SHANK2: variants seen among roughly 807,000 people sequenced by gnomAD.
The protein encoded by SHANK2 is SH3 and multiple ankyrin repeat domains 2, also known as SH3 and multiple ankyrin repeat domains protein 2.
In SHANK2, 43 loss-of-function variants were observed where a neutral mutation model predicts 133.7. The observed-to-expected ratio is 0.32, with a 90% CI of 0.25 to 0.41. The LOEUF is 0.41. Among genes scored for constraint, SHANK2 ranks in the 10% least tolerant of loss-of-function variants. The probability of loss-of-function intolerance (pLI) is 1.00; values close to 1 mark genes in which losing one functional copy is unlikely to be tolerated. For synonymous variants in SHANK2, 1,017 were observed against 952.8 expected (o/e 1.07, Z -1.24); for missense variants, 1,994 against 2,235.8 (o/e 0.89, Z 2.18).
Position 70,487,126 on chromosome 11 carries a change from T to C in SHANK2, c.3167A>G (p.Asp1056Gly). ...GCTCGGTGGCTCCGGGGCCTGGGGG[T>C]CGATCTCCATGCTGCTGCCCTGGCT... The part of the protein sequence containing the change: ...KSSQGSSMEI[D>G]PQAPEPPSQL... The change falls in exon 25 of 26, where the codon GAC becomes GGC. Residue 1056 changes from aspartate to glycine, a missense_variant. Transcript: ENST00000601538. This position sits in a 1 kb window ranked among gnomAD's most constrained non-coding sequence, Gnocchi z 5.8. 6.2e-7 allele frequency: 1 copy of C among 1,610,040 alleles called. No homozygotes were observed.
intron 17 of SHANK2, among the ~76,000 whole-genome samples, chr11:70,659,206 G>A (rs929429941): frequency 1.6e-4 from 24 of 152,116 alleles, no homozygotes; most frequent in Non-Finnish European, 2.8e-4. Context: ...TTCTCTAAAG[G>A]AAGAGAATGC....
At chr11:70,900,993 C>T (rs1172153300) in intron 10 of SHANK2, among the ~76,000 whole-genome samples, 1 of 152,144 alleles carries the variant, frequency 6.6e-6, no homozygotes, top group Non-Finnish European at 1.5e-5. Context: ...AAAGAATACT[C>T]ACAGCAGAGA....
intron 14 of SHANK2, among the ~76,000 whole-genome samples, chr11:70,712,396 C>G (rs1186537150): frequency 6.6e-6 from 1 of 152,224 alleles, no homozygotes; most frequent in Non-Finnish European, 1.5e-5. Context: ...ACGTGAACAT[C>G]TCTGGGGGCC....
chr11:71,118,490 C>T (rs1231017795), intron 4 of SHANK2, among the ~76,000 whole-genome samples: 1 of 152,124 alleles, frequency 6.6e-6, no homozygotes, highest in Non-Finnish European at 1.5e-5. Context: ...GAGGAACTTC[C>T]AGACACTTAT....
chr11:70,490,171 G>A (rs782304163), intron 23 of SHANK2, 105 bp downstream of exon 23: 189 of 981,408 alleles, frequency 1.9e-4, no homozygotes, highest in Admixed American at 1.2e-3. Context: ...GGGGTGGGAC[G>A]CCAAGGCAAC....
At chr11:71,133,056 T>A (rs2135339341) in intron 3 of SHANK2, among the ~76,000 whole-genome samples, 1 of 146,374 alleles carries the variant, frequency 6.8e-6, no homozygotes, top group Non-Finnish European at 1.5e-5. Context: ...ACAAAGGACA[T>A]GGCGGGGCTA....
intron 4 of SHANK2, 104 bp from the exon 5 acceptor site, chr11:71,113,468 A>T (rs782320560): frequency 9.0e-6 from 9 of 999,890 alleles, no homozygotes; most frequent in Non-Finnish European, 1.4e-5. Context: ...GAAGACGGGG[A>T]ACCCCACAGC....
chr11:71,144,286 C>A (rs1399092720), intron 3 of SHANK2, among the ~76,000 whole-genome samples: 3 of 152,218 alleles, frequency 2.0e-5, no homozygotes, highest in Non-Finnish European at 4.4e-5. Context: ...TCTTCCTGGG[C>A]TCAGACCTCC....
At position 70,658,282 on chromosome 11, in the gene SHANK2, GACAC is replaced by G. The variant is rs138823201; in HGVS notation, c.2061+1542_2061+1545del. On this transcript the variant is annotated intron_variant, in intron 17 of 25. Coordinates refer to ENST00000601538, the MANE Select transcript of SHANK2 (RefSeq NM_012309.5). ...ACACACAGACACACACACACACACA[GACAC>G]ACACACACACACACACACACAGACA... is the stretch of plus-strand genomic sequence containing the variant. Among the ~76,000 whole-genome samples, 328 of 111,594 alleles carry G rather than the reference GACAC, an allele frequency of 2.9e-3. 4 individuals are homozygous for G. Among genetic ancestry groups the G allele is most frequent in the East Asian group, 7.9e-3 (28 of 3,528 alleles). The allele number at this position is 111,594 out of a possible 152,430, so 73.2% of individuals were successfully genotyped here.
chr11:71,214,791 C>T (rs950923522), intron 2 of SHANK2, among the ~76,000 whole-genome samples: 5 of 152,268 alleles, frequency 3.3e-5, no homozygotes, highest in African/African-American at 4.8e-5. Context: ...GCTGTCCTCT[C>T]GTGCAATTGC....
At position 71,092,422 on chromosome 11, in the gene SHANK2, C is replaced by G; in HGVS notation, c.912G>C (p.Gln304His). Reference sequence around the variant, plus strand: ...AGAGTGGAGAAGCGGGCCCACGTACCTGGTGGATCTCGTGCCAGCCGTTCT... The same window carrying G: ...AGAGTGGAGAAGCGGGCCCACGTACGTGGTGGATCTCGTGCCAGCCGTTCT... ...KDENGWHEIH[Q>H]ACRYGHVQHL... Residue 304 changes from glutamine to histidine, a missense_variant and splice_region_variant, in exon 8 of 26, where the codon CAG (glutamine) becomes CAC (histidine). This residue lies in a region of SHANK2 where 653 missense variants were observed against 563.4 expected (regional missense o/e 1.16). Coordinates refer to ENST00000601538, the MANE Select transcript of SHANK2 (RefSeq NM_012309.5). 1 of 1,551,268 alleles carries G rather than the reference C, an allele frequency of 6.4e-7. No individual in the cohort carries two copies.
At chr11:70,770,387 C>T (rs4980645) in intron 14 of SHANK2, among the ~76,000 whole-genome samples, 134,078 of 152,246 alleles carry the variant, frequency 0.88, 59,937 homozygotes, top group South Asian at 0.96. Flanking sequence ...TCTGCTCATC[C>T]GCCTGGGTGG....
At chr11:70,845,265 G>A (rs1335578427) in intron 11 of SHANK2, among the ~76,000 whole-genome samples, 1 of 151,214 alleles carries the variant, frequency 6.6e-6, no homozygotes, top group South Asian at 2.1e-4. Flanking sequence ...TCTAAAATGA[G>A]GTATAGAGAA....
intron 15 of SHANK2, chr11:70,698,397 C>T (rs1945444104): frequency 2.0e-6 from 1 of 488,400 alleles, no homozygotes; most frequent in South Asian, 2.3e-5. Context: ...TGGCCCACTG[C>T]CGTCATCCTT....
intron 2 of SHANK2, among the ~76,000 whole-genome samples, chr11:71,220,841 G>T (rs782781366): frequency 6.6e-6 from 1 of 152,178 alleles, no homozygotes; most frequent in Non-Finnish European, 1.5e-5. Flanking sequence ...TTCTGGAGAC[G>T]GTTGGTGGCG....
chr11:70,798,446 C>A lies in SHANK2; in HGVS notation c.1774G>T (p.Ala592Ser). 1.4e-6 allele frequency: 1 copy of A among 718,326 alleles called. No homozygotes were observed. The allele number at this position is 718,326 out of a possible 1,614,324, so 44.5% of individuals were successfully genotyped here. ...CGGCCACGAGCGCTCGCCTTACCTG[C>A]CTGGCTGTCCCTGGGCTTACACTGG... ...EVQCKPRDSQ[A>S]ETRADRSKKL... The change falls in exon 14 of 26, where the codon GCA becomes TCA. Residue 592 changes from alanine to serine, a missense_variant. Transcript: ENST00000601538.
chr11:70,877,673 G>T (rs555043652), intron 11 of SHANK2, among the ~76,000 whole-genome samples: 1 of 152,308 alleles, frequency 6.6e-6, no homozygotes, highest in South Asian at 2.1e-4. Flanking sequence ...TTCAAGGATG[G>T]TTGATACCCA....
At chr11:70,678,026 C>T (rs1944936514) in intron 15 of SHANK2, among the ~76,000 whole-genome samples, 1 of 152,194 alleles carries the variant, frequency 6.6e-6, no homozygotes, top group South Asian at 2.1e-4. Context: ...AGACAAAAGA[C>T]AACCCCTTGC....
intron 14 of SHANK2, among the ~76,000 whole-genome samples, chr11:70,758,382 A>C (rs1379434520): frequency 6.6e-6 from 1 of 152,078 alleles, no homozygotes; most frequent in Admixed American, 6.5e-5. Context: ...CCCGCCGTTG[A>C]CTTCCACCCC....
Sources: gnomAD v4.1 joint callset for allele counts (sites outside exome capture counted in the v4.1 genomes callset) on GRCh38, gnomAD v4.1.1 for gene constraint, gnomAD v4.1.1 regional missense constraint, Gnocchi (gnomAD v3.1) non-coding constraint, MANE v1.5 for transcripts, NCBI Gene and HGNC (gene_info 2026-07-23, HGNC 2026-07-21) for gene names.